The following IRX2 variants were observed in gnomAD, a reference collection of about 807,000 sequenced individuals.
IRX2 encodes iroquois homeobox 2, also known as iroquois-class homeodomain protein IRX-2.
Under a neutral mutation model 42.9 loss-of-function variants are expected in IRX2, and 26 were observed. The observed-to-expected ratio is 0.61, with a 90% CI of 0.44 to 0.84. The LOEUF is 0.84. IRX2 is among the 40% of genes least tolerant of loss of function. The pLI, the probability that IRX2 is intolerant of heterozygous loss-of-function variation, is 0.00. For missense variants in IRX2, 782 were observed against 713.9 expected, an observed-to-expected ratio of 1.10 and a Z score of -1.09; for synonymous variants, 424 against 353.9, an observed-to-expected ratio of 1.20 and a Z score of -2.22.
rs201606610 is a variant in IRX2 at position 2,748,980 on chromosome 5, C to T, written c.728G>A (p.Cys243Tyr). The part of the protein sequence containing the change: ...SAESDGEKLP[C>Y]RAGDPLCESG... ...TTCGCACAGGGGGTCCCCGGCGCGG[C>T]ACGGAAGCTTCTCCCCGTCCGACTC... is the stretch of plus-strand genomic sequence containing the variant. Residue 243 changes from cysteine (C) to tyrosine (Y), a missense_variant, in exon 3 of 4, where the codon TGC becomes TAC. By Grantham distance (194) the Cys-to-Tyr change is radical (BLOSUM62 -2). Coordinates refer to ENST00000302057, the MANE Select transcript of IRX2 (RefSeq NM_033267.5). The T allele has an allele frequency of 5.9e-5, 95 of 1,597,398 alleles. 2 individuals carry two copies. The South Asian group carries it at 9.1e-4, about 15-fold the overall frequency.
chr5:2,743,986 A>C (rs1160599222), downstream of IRX2, among the ~76,000 whole-genome samples: 1 of 152,112 alleles, frequency 6.6e-6, no homozygotes, highest in African/African-American at 2.4e-5. Flanking sequence ...ATAAACATCA[A>C]AGAAGCTTCC....
chr5:2,741,223 A>T (rs999573009), downstream of IRX2, among the ~76,000 whole-genome samples: 1 of 152,204 alleles, frequency 6.6e-6, no homozygotes, highest in Non-Finnish European at 1.5e-5. Flanking sequence ...CTTTTTCTTG[A>T]TCTTAGAGGG....
the IRX2 span, chr5:2,736,657 T>C: frequency 1.3e-5 from 2 of 152,248 alleles, no homozygotes; most frequent in African/African-American, 4.8e-5. Flanking sequence ...AAAATCTTGA[T>C]TGCTACAGGA....
Position 2,748,497 on chromosome 5 carries a change from C to T in IRX2, c.1211G>A (p.Gly404Asp), listed in dbSNP as rs755160165. 24 of 1,581,180 alleles carry T rather than the reference C, an allele frequency of 1.5e-5. No homozygotes were observed. In the Admixed American group the frequency reaches 3.5e-4, roughly 23 times the overall value. ...AGAGTTGTACCGCAGGAGACCCTGG[C>T]CCTGCAGCGCCGCGTTCAAGTTCCC... ...NYGNLNAALQGQGLLRYNSAA... is the reference protein window; with the variant it reads ...NYGNLNAALQDQGLLRYNSAA... Residue 404 changes from glycine to aspartate, a missense_variant, in exon 3 of 4, where the codon GGC (glycine) becomes GAC (aspartate). This residue lies in a region of IRX2 where 520 missense variants were observed against 437.8 expected (regional missense o/e 1.19). Transcript: ENST00000302057.
intron 1 of IRX2, among the ~76,000 whole-genome samples, 167 bp from the exon 2 acceptor site, chr5:2,749,954 G>A (rs1228719207): frequency 6.6e-6 from 1 of 152,342 alleles, no homozygotes; most frequent in East Asian, 1.9e-4. Flanking sequence ...TGTGATTCGG[G>A]ACCAGCTGTT....
chr5:2,747,392 A>G lies in IRX2; in HGVS notation c.*172T>C, dbSNP rs558289081. The G allele has an allele frequency of 1.8e-6, 1 of 560,698 alleles. No homozygotes were observed. Among genetic ancestry groups the G allele is most frequent in the African/African-American group, 1.9e-5 (1 of 53,668 alleles). The allele number at this position is 560,698 out of a possible 1,614,324, so 34.7% of individuals were successfully genotyped here. On this transcript the variant is annotated 3_prime_UTR_variant, in exon 4 of 4. Coordinates refer to ENST00000302057, the MANE Select transcript of IRX2 (RefSeq NM_033267.5). ...AAAGAGGGAATCTATAAAACAGAAA[A>G]TATAGTTTCCCCCTTAAGGAAAGAA...
At position 2,747,321 on chromosome 5, in the gene IRX2, T is replaced by TA. The variant is rs1560948039; in HGVS notation, c.*242_*243insT. The TA allele has an allele frequency of 1.5e-4, 25 of 163,650 alleles. No individual in the cohort carries two copies. Among genetic ancestry groups the TA allele is most frequent in the African/African-American group, 4.0e-4 (5 of 12,428 alleles). 10.1% of individuals were successfully genotyped at this position (163,650 alleles called of 1,614,324 possible). On this transcript the variant is annotated 3_prime_UTR_variant, in exon 4 of 4. Transcript: ENST00000302057. ...CACACACACACATATATATATATAT[T>TA]TTTTTTTTCCTTCCCTAGGTAAAGG... is the stretch of plus-strand genomic sequence containing the variant.
Position 2,751,002 on chromosome 5 carries a change from C to T in IRX2, c.249+163G>A, listed in dbSNP as rs1158796721. ...CCGCGCTGCCCTCCCCACCCGGGGC[C>T]CGGCTCAGCCTGCGGGGCGGCCAAC... On this transcript the variant is annotated intron_variant, in intron 1 of 3. Coordinates refer to ENST00000302057, the MANE Select transcript of IRX2 (RefSeq NM_033267.5). The surrounding 1 kb of genome is among the most constrained non-coding windows in gnomAD (Gnocchi z 4.0). Among the ~76,000 whole-genome samples, 1 of 151,540 alleles carries T rather than the reference C, an allele frequency of 6.6e-6. No homozygotes were observed. Among genetic ancestry groups the T allele is most frequent in the South Asian group, 2.1e-4 (1 of 4,834 alleles).
chr5:2,738,942 C>T, the IRX2 span, among the ~76,000 whole-genome samples: 1 of 152,162 alleles, frequency 6.6e-6, no homozygotes, highest in African/African-American at 2.4e-5. Context: ...TTCTGACTCC[C>T]CAGGCTGCCG....
At chr5:2,743,753 A>AAC (rs1553992612), downstream of IRX2, among the ~76,000 whole-genome samples, 2 of 152,102 alleles carry the variant, frequency 1.3e-5, no homozygotes, top group Non-Finnish European at 2.9e-5. Context: ...AGTGAAAGAT[A>AAC]TCTCTCTCTT....
Position 2,748,620 on chromosome 5 carries a change from G to A in IRX2, c.1088C>T (p.Thr363Ile), listed in dbSNP as rs1417709899. 1 of 1,504,846 alleles carries A rather than the reference G, an allele frequency of 6.6e-7. No individual in the cohort carries two copies. The highest frequency in any genetic ancestry group is 1.3e-5 in the South Asian group (1 of 77,892). The allele number at this position is 1,504,846 out of a possible 1,614,324, so 93.2% of individuals were successfully genotyped here. A position where few individuals can be genotyped will look rare whatever the true frequency, so the allele number is the denominator to read the frequency against. ...GLPAAAAPAS[T>I]GAPPGGSPYP... ...GGGCGAGCCTCCTGGCGGTGCCCCG[G>A]TTGAGGCCGGCGCGGCGGCCGCGGG... The change falls in exon 3 of 4, where the codon ACC becomes ATC. Residue 363 changes from threonine to isoleucine, a missense_variant. Physicochemically the swap from Thr to Ile is moderately conservative, Grantham distance 89. Coordinates refer to ENST00000302057, the MANE Select transcript of IRX2 (RefSeq NM_033267.5).
chr5:2,739,116 T>G, the IRX2 span, among the ~76,000 whole-genome samples: 1 of 151,890 alleles, frequency 6.6e-6, no homozygotes, highest in South Asian at 2.1e-4. Context: ...TCAACGCGCT[T>G]TGTAGGGCCT....
chr5:2,738,526 G>A, the IRX2 span, among the ~76,000 whole-genome samples: 1 of 152,138 alleles, frequency 6.6e-6, no homozygotes, highest in Non-Finnish European at 1.5e-5. Context: ...TTGTCCTCCC[G>A]GCCGCCTCTT....
the IRX2 span, among the ~76,000 whole-genome samples, chr5:2,737,540 G>A: frequency 6.6e-6 from 1 of 152,206 alleles, no homozygotes. Context: ...GGCCCACTCA[G>A]ATGAGCCCCA....
At chr5:2,748,318 G>C (rs111347141) in intron 3 of IRX2, 27 bp downstream of exon 3, 3 of 1,377,890 alleles carry the variant, frequency 2.2e-6, no homozygotes, top group South Asian at 3.4e-5. Flanking sequence ...CTCCCCTCCC[G>C]GGCGCCGCCG....
rs375451332 is a variant in IRX2 at position 2,748,872 on chromosome 5, G to T, written c.836C>A (p.Pro279Gln). 2 of 1,593,036 alleles carry T rather than the reference G, an allele frequency of 1.3e-6. No homozygotes were observed. Among genetic ancestry groups the T allele is most frequent in the Non-Finnish European group, 8.5e-7 (1 of 1,178,008 alleles). The change falls in exon 3 of 4, where the codon CCG becomes CAG. Residue 279 changes from proline (P) to glutamine (Q), a missense_variant. Around this residue, in one of 3 missense-constraint regions of IRX2, gnomAD observed 520 missense variants for 437.8 expected, o/e 1.19. Transcript: ENST00000302057. ...CGGCGACGAGGTCACGGGCTTGGGC[G>T]GCGCCAGGCCCCGCTCGCCCTCCTC... ...DDEEGERGLA[P>Q]PKPVTSSPLT...
At position 2,748,360 on chromosome 5, in the gene IRX2, A is replaced by G; in HGVS notation, c.1348T>C (p.Tyr450His). 1 of 1,451,578 alleles carries G rather than the reference A, an allele frequency of 6.9e-7. No individual in the cohort carries two copies. The highest frequency in any genetic ancestry group is 9.0e-7 in the Non-Finnish European group (1 of 1,110,740). 89.9% of individuals were successfully genotyped at this position (1,451,578 alleles called of 1,614,324 possible). A position where few individuals can be genotyped will look rare whatever the true frequency, so the allele number is the denominator to read the frequency against. The change falls in exon 3 of 4, where the codon TAC (tyrosine) becomes CAC (histidine). Residue 450 changes from tyrosine to histidine, a missense_variant. Coordinates refer to ENST00000302057, the MANE Select transcript of IRX2 (RefSeq NM_033267.5). ...ESHYRSPGGG[Y>H]EPKKDASEGC... ...GGCCGCCTACCTTTCTTGGGCTCGT[A>G]GCCGCCGCCCGGGGACCGGTAGTGG...
chr5:2,750,184 A>G (rs1009006595), intron 1 of IRX2, among the ~76,000 whole-genome samples: 5 of 151,846 alleles, frequency 3.3e-5, no homozygotes, highest in Admixed American at 6.6e-5. Context: ...CCCCTCCCTT[A>G]TATGGTTAAA....
At chr5:2,735,900 T>C in the IRX2 span, among the ~76,000 whole-genome samples, 1 of 152,174 alleles carries the variant, frequency 6.6e-6, no homozygotes, top group African/African-American at 2.4e-5. Context: ...CCTCTGAGTC[T>C]AGTTGTGCTG....
Sources: gnomAD v4.1 joint callset for allele counts (sites outside exome capture counted in the v4.1 genomes callset) on GRCh38, gnomAD v4.1.1 for gene constraint, gnomAD v4.1.1 regional missense constraint, Gnocchi (gnomAD v3.1) non-coding constraint, MANE v1.5 for transcripts, NCBI Gene and HGNC (gene_info 2026-07-23, HGNC 2026-07-21) for gene names.